The following PIKFYVE variants were observed in gnomAD, a reference collection of about 807,000 sequenced individuals.
PIKFYVE encodes phosphoinositide kinase, FYVE-type zinc finger containing.
PIKFYVE carries 122 observed loss-of-function variants against 257.9 expected under a neutral mutation model. The ratio of observed to expected loss-of-function variants is 0.47; its 90% confidence interval spans 0.41 to 0.55. The LOEUF is 0.55. Ranked by LOEUF, PIKFYVE falls within the 20% of genes least tolerant of loss-of-function variation. The probability of loss-of-function intolerance (pLI) is 0.00; values close to 1 mark genes in which losing one functional copy is unlikely to be tolerated. For synonymous variants in PIKFYVE, 892 were observed against 868.9 expected (o/e 1.03, Z -0.47); for missense variants, 2,160 against 2,536.6 (o/e 0.85, Z 3.19).
chr2:208,354,230 C>A lies in PIKFYVE; in HGVS notation c.6106+71C>A. On this transcript the variant is annotated intron_variant, in intron 40 of 41. Transcript: ENST00000264380. ...GTCAAATTTTAAAGATTCTATTGAA[C>A]CTGGTCTAATAATAGCTTATTGAAT... 2.6e-6 allele frequency: 4 copies of A among 1,522,510 alleles called. No individual in the cohort carries two copies. The South Asian group carries it at 3.4e-5, about 13-fold the overall frequency. The allele number at this position is 1,522,510 out of a possible 1,614,324, so 94.3% of individuals were successfully genotyped here.
chr2:208,317,593 A>C (rs1695691096), intron 15 of PIKFYVE, among the ~76,000 whole-genome samples: 1 of 152,338 alleles, frequency 6.6e-6, no homozygotes, highest in East Asian at 1.9e-4. Flanking sequence ...TAACTTAAAC[A>C]ATAGTGTTAA....
At chr2:208,302,597 C>CA (rs1307885099) in intron 10 of PIKFYVE, 1 of 466,484 alleles carries the variant, frequency 2.1e-6, no homozygotes, top group African/African-American at 2.0e-5. Flanking sequence ...AAAAGATAAT[C>CA]AAACACTTTT....
intron 6 of PIKFYVE, among the ~76,000 whole-genome samples, chr2:208,287,162 A>G (rs767418388): frequency 1.3e-5 from 2 of 152,180 alleles, no homozygotes; most frequent in African/African-American, 4.8e-5. Context: ...GGTAACACTT[A>G]AAGACGATAG....
chr2:208,299,733 T>TC (rs1693454197), intron 8 of PIKFYVE, among the ~76,000 whole-genome samples: 1 of 152,236 alleles, frequency 6.6e-6, no homozygotes. Flanking sequence ...CATTTAATAC[T>TC]ATATGTTTAT....
chr2:208,325,229 C>G, intron 19 of PIKFYVE, 41 bp from the exon 20 acceptor site: 1 of 1,593,510 alleles, frequency 6.3e-7, no homozygotes, highest in Non-Finnish European at 8.6e-7. Context: ...TCTGGATTGC[C>G]ACCTCCACCA....
chr2:208,342,794 C>CT (rs35986928), intron 32 of PIKFYVE, 145 bp downstream of exon 32: 151,846 of 376,168 alleles, frequency 0.4, 21,641 homozygotes, highest in East Asian at 0.51. Context: ...ATAGCTTGTT[C>CT]TTTTTTTTTT....
chr2:208,275,260 G>A (rs1689953079), intron 3 of PIKFYVE, among the ~76,000 whole-genome samples: 1 of 152,212 alleles, frequency 6.6e-6, no homozygotes, highest in African/African-American at 2.4e-5. Context: ...TTTTCTCTCT[G>A]GGTTTCTTTC....
At position 208,314,288 on chromosome 2, in the gene PIKFYVE, A is replaced by C. The variant is rs368782494; in HGVS notation, c.1697-6A>C. The C allele has an allele frequency of 1.4e-5, 22 of 1,610,974 alleles. No homozygotes were observed. Among genetic ancestry groups the C allele is most frequent in the Non-Finnish European group, 8.5e-7 (1 of 1,177,408 alleles). On this transcript the variant is annotated splice_region_variant and splice_polypyrimidine_tract_variant and intron_variant, in intron 13 of 41. Transcript: ENST00000264380. Reference sequence around the variant, plus strand: ...GTAATAACTTCTTATTTTATATTGTACTTAGAATCCTTATTTAATCGCCGA... The same window carrying C: ...GTAATAACTTCTTATTTTATATTGTCCTTAGAATCCTTATTTAATCGCCGA...
At chr2:208,280,598 C>T (rs910531046) in intron 5 of PIKFYVE, among the ~76,000 whole-genome samples, 2 of 152,154 alleles carry the variant, frequency 1.3e-5, no homozygotes, top group Non-Finnish European at 1.5e-5. Flanking sequence ...GAAAGATTAA[C>T]GGTGTACATT....
intron 21 of PIKFYVE, 78 bp downstream of exon 21, chr2:208,328,358 C>G (rs1697173355): frequency 6.4e-7 from 1 of 1,566,886 alleles, no homozygotes; most frequent in Non-Finnish European, 8.7e-7. Context: ...AACAAAAAAA[C>G]AGTCATTAGG....
At chr2:208,305,048 G>A in intron 12 of PIKFYVE, 35 bp downstream of exon 12, 1 of 1,613,260 alleles carries the variant, frequency 6.2e-7, no homozygotes, top group Admixed American at 1.7e-5. Flanking sequence ...TCCAAACACA[G>A]GCTGGACAGC....
chr2:208,349,546 TTA>T (rs1352135155), intron 35 of PIKFYVE, among the ~76,000 whole-genome samples: 14 of 150,312 alleles, frequency 9.3e-5, no homozygotes, highest in Middle Eastern at 3.5e-3. Context: ...GCTAATAAAG[TTA>T]TATATTATGT....
chr2:208,284,329 T>G (rs1430957570), intron 5 of PIKFYVE, among the ~76,000 whole-genome samples: 2 of 151,754 alleles, frequency 1.3e-5, no homozygotes, highest in Non-Finnish European at 2.9e-5. Context: ...GGCACAGTCT[T>G]GGCTCACTGC....
In PIKFYVE at chr2:208,351,415, C is replaced by A; in HGVS notation, c.5675C>A (p.Pro1892Gln). 6.2e-7 allele frequency: 1 copy of A among 1,613,128 alleles called. No homozygotes were observed. The highest frequency in any genetic ancestry group is 8.5e-7 in the Non-Finnish European group (1 of 1,179,120). Residue 1892 changes from proline to glutamine, a missense_variant, in exon 38 of 42, where the codon CCA (proline) becomes CAA (glutamine). This residue lies in a region of PIKFYVE where 699 missense variants were observed against 855.8 expected (regional missense o/e 0.82). Coordinates refer to ENST00000264380, the MANE Select transcript of PIKFYVE (RefSeq NM_015040.4). ...GTCCAGTCCTTCCTCGACTTTGCACCACATTACTTCAATTATATTACAAAT... is the reference window on the plus strand; with the variant it reads ...GTCCAGTCCTTCCTCGACTTTGCACAACATTACTTCAATTATATTACAAAT... ...LEVQSFLDFA[P>Q]HYFNYITNAV...
intron 12 of PIKFYVE, among the ~76,000 whole-genome samples, chr2:208,309,661 T>C (rs1299572511): frequency 6.6e-6 from 1 of 152,182 alleles, no homozygotes; most frequent in East Asian, 1.9e-4. Context: ...AAAGAAATTA[T>C]ATTTATTTTG....
At chr2:208,270,063 G>A (rs1453874277) in intron 1 of PIKFYVE, 1 of 154,960 alleles carries the variant, frequency 6.5e-6, no homozygotes, top group Non-Finnish European at 1.4e-5. Context: ...TTTTTTTGTG[G>A]ATGGAGTTTT....
chr2:208,310,709 G>C (rs1321535191), intron 12 of PIKFYVE, among the ~76,000 whole-genome samples: 1 of 152,044 alleles, frequency 6.6e-6, no homozygotes, highest in African/African-American at 2.4e-5. Context: ...TTTGACCTGG[G>C]TTCTTTTAAA....
intron 9 of PIKFYVE, 85 bp downstream of exon 9, chr2:208,301,179 C>A: frequency 6.5e-7 from 1 of 1,527,018 alleles, no homozygotes. Flanking sequence ...TTACAGATTT[C>A]TTTGTAGAGT....
chr2:208,317,407 A>G (rs1262711629), intron 15 of PIKFYVE, among the ~76,000 whole-genome samples: 6 of 139,748 alleles, frequency 4.3e-5, no homozygotes, highest in African/African-American at 1.6e-4. Context: ...CATCAGAGAA[A>G]TGCAAATCAA....
Sources: gnomAD v4.1 joint callset for allele counts (sites outside exome capture counted in the v4.1 genomes callset) on GRCh38, gnomAD v4.1.1 for gene constraint, gnomAD v4.1.1 regional missense constraint, MANE v1.5 for transcripts, NCBI Gene and HGNC (gene_info 2026-07-23, HGNC 2026-07-21) for gene names.